The following EIF2D variants were observed in gnomAD, a reference collection of about 807,000 sequenced individuals.
EIF2D encodes the protein eukaryotic translation initiation factor 2D.
A neutral mutation model predicts 77.4 loss-of-function variants in EIF2D; 56 were observed. The observed-to-expected ratio is 0.72, with a 90% CI of 0.58 to 0.90. The LOEUF (loss-of-function observed/expected upper bound fraction) is 0.90. EIF2D is among the 40% of genes least tolerant of loss of function. The pLI is 0.00. For missense variants in EIF2D, 574 were observed against 706.5 expected (o/e 0.81, Z 2.13); for synonymous variants, 230 against 271.0 (o/e 0.85, Z 1.49).
chr1:206,598,229 G>A (rs1432002262), intron 11 of EIF2D, among the ~76,000 whole-genome samples: 1 of 151,898 alleles, frequency 6.6e-6, no homozygotes, highest in Non-Finnish European at 1.5e-5. Flanking sequence ...GTAGCGACAG[G>A]GTTTCATCAT....
intron 2 of EIF2D, chr1:206,586,554 CAG>C (rs1375988645): frequency 6.4e-6 from 2 of 310,688 alleles, no homozygotes; most frequent in Admixed American, 9.7e-5. Context: ...GGCTGCTACA[CAG>C]AAACTTAAGA....
chr1:206,570,419 G>T (rs1169205561), downstream of EIF2D, among the ~76,000 whole-genome samples: 7 of 152,220 alleles, frequency 4.6e-5, 1 homozygote, highest in East Asian at 3.9e-4. Flanking sequence ...TAAGTGCATA[G>T]TGCAGTGACG....
downstream of EIF2D, chr1:206,587,669 A>G (rs1484357809): frequency 3.9e-5 from 6 of 153,450 alleles, no homozygotes; most frequent in African/African-American, 1.4e-4. Flanking sequence ...CCAAAGGCAT[A>G]TATCTGCGTA....
chr1:206,569,811 C>T (rs1553403920), downstream of EIF2D, among the ~76,000 whole-genome samples: 1 of 152,086 alleles, frequency 6.6e-6, no homozygotes, highest in African/African-American at 2.4e-5. Flanking sequence ...TTGAGCTAGG[C>T]TGGGCTGTCC....
rs144952365 is a variant in EIF2D, at chr1:206,599,286, G to A, written c.1202+177C>T. Among the ~76,000 whole-genome samples, 879 of 152,270 alleles carry A rather than the reference G, an allele frequency of 5.8e-3. 7 individuals are homozygous for A. The highest frequency in any genetic ancestry group is 0.018 in the African/African-American group (730 of 41,550). ...ACGCAGAAAAGGGTGAGACCTACTC[G>A]TTCATTTAGTCCAGAGGAACTTGCC... On this transcript the variant is annotated intron_variant, in intron 10 of 14. Coordinates refer to ENST00000271764, the MANE Select transcript of EIF2D (RefSeq NM_006893.3). This position sits in a 1 kb window ranked among gnomAD's most constrained non-coding sequence, Gnocchi z 4.1.
downstream of EIF2D, chr1:206,586,729 C>A: frequency 2.2e-6 from 2 of 922,230 alleles, no homozygotes; most frequent in Non-Finnish European, 3.4e-6. Flanking sequence ...CGGATGTGAA[C>A]TGGGAAGGGG....
chr1:206,587,090 G>A, downstream of EIF2D: 4 of 1,346,344 alleles, frequency 3.0e-6, no homozygotes, highest in South Asian at 5.0e-5. Flanking sequence ...ATTTGTGCCT[G>A]CCCAGCAGTT....
chr1:206,576,290 T>C (rs1668656019), intron 4 of EIF2D, among the ~76,000 whole-genome samples: 2 of 152,208 alleles, frequency 1.3e-5, no homozygotes, highest in East Asian at 3.8e-4. Flanking sequence ...ATTTGTACTT[T>C]TGCTGCAATG....
intron 2 of EIF2D, chr1:206,585,018 G>T: frequency 1.5e-6 from 1 of 650,932 alleles, no homozygotes; most frequent in South Asian, 1.8e-5. Flanking sequence ...AAGATAAAAG[G>T]TTATTGCCCT....
intron 5 of EIF2D, 134 bp from the exon 6 acceptor site, chr1:206,603,338 C>CT: frequency 2.5e-6 from 3 of 1,196,796 alleles, no homozygotes; most frequent in Non-Finnish European, 2.3e-6. Context: ...GGGCAGAGAG[C>CT]CTGTGCCCTC....
chr1:206,603,790 A>G (rs1670049605), intron 5 of EIF2D, among the ~76,000 whole-genome samples: 2 of 152,244 alleles, frequency 1.3e-5, no homozygotes, highest in African/African-American at 4.8e-5. Flanking sequence ...GCGATGCCAC[A>G]TAGCAAAGCA....
intron 2 of EIF2D, chr1:206,586,533 G>A (rs952950968): frequency 8.0e-5 from 23 of 285,968 alleles, no homozygotes; most frequent in African/African-American, 3.4e-4. Flanking sequence ...CAGCATCACT[G>A]TCAAGATCTC....
At chr1:206,575,411 GT>G (rs1668602966) in intron 4 of EIF2D, among the ~76,000 whole-genome samples, 1 of 152,176 alleles carries the variant, frequency 6.6e-6, no homozygotes, top group Admixed American at 6.5e-5. Flanking sequence ...GGTATTTTTT[GT>G]TTTGTTTTCT....
intron 14 of EIF2D, among the ~76,000 whole-genome samples, chr1:206,593,147 G>T (rs934925808): frequency 6.6e-6 from 1 of 151,498 alleles, no homozygotes; most frequent in African/African-American, 2.4e-5. Context: ...GTCTAAAAAA[G>T]TTTCGTGCCC....
downstream of EIF2D, among the ~76,000 whole-genome samples, chr1:206,590,466 G>T (rs7535082): frequency 6.8e-3 from 1,036 of 152,284 alleles, 14 homozygotes; most frequent in African/African-American, 0.024. Context: ...AGGAACCATA[G>T]TTCATTACTA....
At chr1:206,582,743 T>C (rs1572369324) in intron 2 of EIF2D, among the ~76,000 whole-genome samples, 1 of 152,346 alleles carries the variant, frequency 6.6e-6, no homozygotes, top group East Asian at 1.9e-4. Flanking sequence ...GTGTCCTTGG[T>C]CCTTGGGATC....
At chr1:206,585,333 G>T (rs1553407402) in intron 2 of EIF2D, 1 of 1,518,162 alleles carries the variant, frequency 6.6e-7, no homozygotes, top group Non-Finnish European at 9.2e-7. Flanking sequence ...AGGCCTTAGG[G>T]CACCCTGGGT....
intron 5 of EIF2D, chr1:206,571,565 C>T (rs1668450303): frequency 6.6e-6 from 1 of 152,178 alleles, no homozygotes; most frequent in East Asian, 1.9e-4. Context: ...GGGACACAGG[C>T]TTGTACCACT....
chr1:206,580,546 C>G (rs1199372119), intron 4 of EIF2D: 1 of 152,156 alleles, frequency 6.6e-6, no homozygotes, highest in Non-Finnish European at 1.5e-5. Flanking sequence ...ATGTGCTCAG[C>G]TGGCAAGGAC....
Sources: allele counts gnomAD v4.1 joint callset (sites outside exome capture counted in the v4.1 genomes callset), GRCh38; gene constraint gnomAD v4.1.1; non-coding constraint Gnocchi (gnomAD v3.1); transcripts MANE v1.5; gene names NCBI Gene and HGNC (gene_info 2026-07-23, HGNC 2026-07-21).